The following TMEM108 variants were observed in gnomAD, a reference collection of about 807,000 sequenced individuals.
TMEM108 encodes transmembrane protein 108, also known as cancer/testis antigen 124.
A neutral mutation model predicts 35.1 loss-of-function variants in TMEM108; 12 were observed. That is an observed-to-expected ratio of 0.34 (90% CI 0.22 to 0.55). The LOEUF is 0.55. TMEM108 is among the 20% of genes least tolerant of loss of function. The pLI is 0.89. For missense variants in TMEM108, 680 were observed against 753.3 expected (o/e 0.90, Z 1.14); for synonymous variants, 287 against 308.6 (o/e 0.93, Z 0.73).
intron 2 of TMEM108, among the ~76,000 whole-genome samples, chr3:133,123,286 A>C (rs1944376059): frequency 6.6e-6 from 1 of 152,228 alleles, no homozygotes; most frequent in East Asian, 1.9e-4. Context: ...TGCAAACAAT[A>C]CTGCAATAAA....
intron 2 of TMEM108, among the ~76,000 whole-genome samples, chr3:133,107,335 A>G (rs946643628): frequency 9.2e-5 from 14 of 152,216 alleles, no homozygotes; most frequent in African/African-American, 3.4e-4. Flanking sequence ...TTTTCTAATT[A>G]GTGGAGATTT....
intron 2 of TMEM108, among the ~76,000 whole-genome samples, chr3:133,136,784 A>G (rs1944570169): frequency 6.6e-6 from 1 of 152,162 alleles, no homozygotes; most frequent in Admixed American, 6.5e-5. Flanking sequence ...ATTGTACTAT[A>G]AAATGTTTTA....
chr3:133,082,659 A>T (rs1943827566), intron 2 of TMEM108, among the ~76,000 whole-genome samples: 1 of 151,766 alleles, frequency 6.6e-6, no homozygotes, highest in Non-Finnish European at 1.5e-5. Context: ...TATTATTATT[A>T]TTGTTGTTTT....
chr3:133,368,631 T>TCACA (rs147366132), intron 3 of TMEM108, among the ~76,000 whole-genome samples: 63 of 150,804 alleles, frequency 4.2e-4, no homozygotes, highest in East Asian at 9.7e-4. Flanking sequence ...ATACATGCAC[T>TCACA]CACACACACA....
rs114442067 is a variant in TMEM108, at chr3:133,135,188, G to A, written c.-47+89168G>A. 2.3e-3 allele frequency among the ~76,000 whole-genome samples: 343 copies of A among 146,062 alleles called. 4 individuals carry two copies. Among genetic ancestry groups the A allele is most frequent in the African/African-American group, 8.1e-3 (321 of 39,696 alleles). ...TTTTTTTTCTTTCTTTCTGCAGTAC[G>A]TACTTTAGAATTTCCTTTAGCGGGT... On this transcript the variant is annotated intron_variant, in intron 2 of 5. Transcript: ENST00000321871.
At chr3:133,185,524 A>G (rs1413485815) in intron 2 of TMEM108, among the ~76,000 whole-genome samples, 1 of 149,782 alleles carries the variant, frequency 6.7e-6, no homozygotes, top group Non-Finnish European at 1.5e-5. Flanking sequence ...TCAACTCTCT[A>G]TGGCCACCTG....
intron 2 of TMEM108, among the ~76,000 whole-genome samples, chr3:133,128,027 C>T (rs956243088): frequency 3.3e-5 from 5 of 152,188 alleles, no homozygotes; most frequent in Admixed American, 6.5e-5. Flanking sequence ...AAGAACTTAT[C>T]TGTTCCCTAA....
chr3:133,344,196 A>G (rs527523034), intron 3 of TMEM108, among the ~76,000 whole-genome samples: 1 of 151,948 alleles, frequency 6.6e-6, no homozygotes, highest in Non-Finnish European at 1.5e-5. Flanking sequence ...CCTTAGTGCA[A>G]TAAAAACTAG....
chr3:133,205,581 A>G (rs1403325524), intron 2 of TMEM108, among the ~76,000 whole-genome samples: 2 of 152,214 alleles, frequency 1.3e-5, no homozygotes, highest in Non-Finnish European at 2.9e-5. Flanking sequence ...TTGGCTGGAT[A>G]TGAAATTCTG....
intron 2 of TMEM108, among the ~76,000 whole-genome samples, chr3:133,210,212 T>C (rs960066712): frequency 6.6e-6 from 1 of 152,112 alleles, no homozygotes; most frequent in Admixed American, 6.5e-5. Context: ...GAGGATGGAG[T>C]AAGGATTCCT....
At chr3:133,376,184 GT>G (rs1428641302) in intron 3 of TMEM108, among the ~76,000 whole-genome samples, 2 of 152,196 alleles carry the variant, frequency 1.3e-5, no homozygotes, top group Non-Finnish European at 2.9e-5. Context: ...GAGGATGTTA[GT>G]TCCTGGAATG....
chr3:133,062,227 G>A (rs1943545624), intron 2 of TMEM108, among the ~76,000 whole-genome samples: 1 of 152,166 alleles, frequency 6.6e-6, no homozygotes, highest in African/African-American at 2.4e-5. Flanking sequence ...TTTGACATTG[G>A]AAAATCATAA....
intron 3 of TMEM108, among the ~76,000 whole-genome samples, chr3:133,293,579 T>A (rs1399251613): frequency 2.0e-5 from 3 of 151,960 alleles, no homozygotes; most frequent in Non-Finnish European, 4.4e-5. Flanking sequence ...CTTCCTGCCT[T>A]ATGCCAGTGC....
Position 133,106,175 on chromosome 3 carries a change from G to GTTT in TMEM108, c.-47+60177_-47+60179dup, listed in dbSNP as rs745343008. The stretch of plus-strand genomic sequence containing the variant: ...GGGACTTCCAATTGAGAGGTTAAAG[G>GTTT]TTTTTTTTTTTTTTTTTTTTTTTTG... On this transcript the variant is annotated intron_variant, in intron 2 of 5. Transcript: ENST00000321871. 1.5e-3 allele frequency among the ~76,000 whole-genome samples: 131 copies of GTTT among 89,658 alleles called. 4 individuals carry two copies. The East Asian group carries it at 0.025, about 17-fold the overall frequency. The allele number at this position is 89,658 out of a possible 152,430, so 58.8% of individuals were successfully genotyped here. A position where few individuals can be genotyped will look rare whatever the true frequency, so the allele number is the denominator to read the frequency against.
intron 2 of TMEM108, among the ~76,000 whole-genome samples, chr3:133,207,657 A>G (rs1034212767): frequency 1.3e-5 from 2 of 152,134 alleles, no homozygotes; most frequent in Non-Finnish European, 1.5e-5. Flanking sequence ...TAATGGTTAT[A>G]TGTAACCACA....
intron 2 of TMEM108, among the ~76,000 whole-genome samples, chr3:133,158,465 T>TAAAAA (rs11328701): frequency 2.1e-3 from 171 of 80,282 alleles, no homozygotes; most frequent in East Asian, 3.6e-3. Context: ...AGACTCTGTC[T>TAAAAA]AAAAAAAAAA....
At chr3:133,112,730 G>A (rs1944240906) in intron 2 of TMEM108, among the ~76,000 whole-genome samples, 1 of 152,140 alleles carries the variant, frequency 6.6e-6, no homozygotes, top group African/African-American at 2.4e-5. Flanking sequence ...AGTCAAATGT[G>A]TTTATCAATT....
chr3:133,130,735 A>G (rs1043687587), intron 2 of TMEM108, among the ~76,000 whole-genome samples: 7 of 152,172 alleles, frequency 4.6e-5, no homozygotes, highest in African/African-American at 1.7e-4. Context: ...AGTGGCCACT[A>G]TTGGAAGATA....
At chr3:133,059,359 T>A (rs1943510026) in intron 2 of TMEM108, among the ~76,000 whole-genome samples, 1 of 152,228 alleles carries the variant, frequency 6.6e-6, no homozygotes, top group Non-Finnish European at 1.5e-5. Context: ...GCCTGGTTCT[T>A]GCTGGAGTGA....
Sources: allele counts gnomAD v4.1 joint callset (sites outside exome capture counted in the v4.1 genomes callset), GRCh38; gene constraint gnomAD v4.1.1; transcripts MANE v1.5; gene names NCBI Gene and HGNC (gene_info 2026-07-23, HGNC 2026-07-21).